KHDRBS2: variants seen among roughly 807,000 people sequenced by gnomAD.
KHDRBS2 encodes KH RNA binding domain containing, signal transduction associated 2, also known as KH domain-containing, RNA-binding, signal transduction-associated protein 2.
In KHDRBS2, 26 loss-of-function variants were observed where a neutral mutation model predicts 44.3. That is an observed-to-expected ratio of 0.59 (90% CI 0.43 to 0.81). KHDRBS2 has a LOEUF of 0.81. Among genes scored for constraint, KHDRBS2 ranks in the 40% least tolerant of loss-of-function variants. The pLI is 0.00. For missense variants in KHDRBS2, 476 were observed against 433.1 expected (o/e 1.10, Z -0.88); for synonymous variants, 194 against 151.1 (o/e 1.28, Z -2.08).
At chr6:62,161,582 G>T (rs957622614) in intron 2 of KHDRBS2, among the ~76,000 whole-genome samples, 2 of 124,522 alleles carry the variant, frequency 1.6e-5, no homozygotes, top group African/African-American at 3.1e-5. Context: ...GCGGGGGGGG[G>T]GGGGGTCCCA....
At chr6:61,829,392 G>C (rs904775809) in intron 6 of KHDRBS2, among the ~76,000 whole-genome samples, 7 of 152,126 alleles carry the variant, frequency 4.6e-5, no homozygotes, top group South Asian at 2.1e-4. Flanking sequence ...ACTAACTCCT[G>C]AACTCAGGGA....
intron 2 of KHDRBS2, among the ~76,000 whole-genome samples, chr6:62,101,908 GTCT>G (rs1210152045): frequency 2.0e-5 from 3 of 152,028 alleles, no homozygotes; most frequent in African/African-American, 7.2e-5. Context: ...ACATAACATG[GTCT>G]TCTCACAGTC....
intron 1 of KHDRBS2, among the ~76,000 whole-genome samples, chr6:62,262,552 G>T (rs181498080): frequency 6.6e-6 from 1 of 151,796 alleles, no homozygotes; most frequent in Admixed American, 6.6e-5. Context: ...CACTAAAAGA[G>T]ATTTCTCAAG....
At chr6:61,778,315 G>A (rs1355433170) in intron 6 of KHDRBS2, among the ~76,000 whole-genome samples, 1 of 152,102 alleles carries the variant, frequency 6.6e-6, no homozygotes, top group African/African-American at 2.4e-5. Context: ...GACTGTGCAA[G>A]ACACATTCTC....
intron 3 of KHDRBS2, among the ~76,000 whole-genome samples, chr6:62,016,110 C>T (rs1318173820): frequency 6.6e-6 from 1 of 152,204 alleles, no homozygotes; most frequent in East Asian, 1.9e-4. Flanking sequence ...AGGCTCTTTC[C>T]TTTTTCTTTC....
intron 2 of KHDRBS2, among the ~76,000 whole-genome samples, chr6:62,112,397 T>C (rs537228591): frequency 6.6e-6 from 1 of 152,266 alleles, no homozygotes; most frequent in South Asian, 2.1e-4. Flanking sequence ...GAGCCATCTA[T>C]ATCTCTACTC....
the KHDRBS2 span, among the ~76,000 whole-genome samples, chr6:61,650,498 T>C: frequency 6.6e-6 from 1 of 152,080 alleles, no homozygotes; most frequent in East Asian, 1.9e-4. Context: ...AAACATAAAT[T>C]CATAAAAATA....
At chr6:61,654,291 A>G in the KHDRBS2 span, among the ~76,000 whole-genome samples, 17 of 152,042 alleles carry the variant, frequency 1.1e-4, no homozygotes, top group African/African-American at 3.9e-4. Flanking sequence ...TTGTGACACT[A>G]ATGTTAGCAG....
intron 2 of KHDRBS2, among the ~76,000 whole-genome samples, chr6:62,134,090 A>T (rs1488126646): frequency 6.6e-6 from 1 of 152,216 alleles, no homozygotes; most frequent in Non-Finnish European, 1.5e-5. Flanking sequence ...CCAAATGTTA[A>T]TCGCTAAGAC....
rs1470402971 is a variant in KHDRBS2, at chr6:61,680,701, A to G, written c.*262T>C. The G allele has an allele frequency of 1.1e-5, 3 of 280,396 alleles. No individual in the cohort carries two copies. The highest frequency in any genetic ancestry group is 2.0e-5 in the Non-Finnish European group (3 of 151,314). 17.4% of individuals were successfully genotyped at this position (280,396 alleles called of 1,614,324 possible). A position where few individuals can be genotyped will look rare whatever the true frequency, so the allele number is the denominator to read the frequency against. On this transcript the variant is annotated 3_prime_UTR_variant, in exon 9 of 9. Transcript: ENST00000281156. ...CACACAACAATGAAAAACAACCAAG[A>G]GAATATCATCCTACTGAAAGGTTTA... is the stretch of plus-strand genomic sequence containing the variant.
intron 4 of KHDRBS2, among the ~76,000 whole-genome samples, chr6:61,970,126 CTA>C (rs1302694885): frequency 6.6e-6 from 1 of 151,884 alleles, no homozygotes; most frequent in Non-Finnish European, 1.5e-5. Flanking sequence ...TGTCTTCTCT[CTA>C]TATATGTGTG....
chr6:61,917,001 T>C (rs1399399866), intron 4 of KHDRBS2, among the ~76,000 whole-genome samples: 2 of 127,736 alleles, frequency 1.6e-5, no homozygotes, highest in African/African-American at 3.0e-5. Context: ...CTGGTGGGGA[T>C]TCAAAATGAT....
chr6:61,845,015 TA>T (rs1333683894), intron 6 of KHDRBS2, among the ~76,000 whole-genome samples: 4 of 152,186 alleles, frequency 2.6e-5, no homozygotes, highest in Non-Finnish European at 5.9e-5. Flanking sequence ...ATTACATGCT[TA>T]GAAGGAAAAA....
At chr6:62,233,289 A>G (rs1833175345) in intron 1 of KHDRBS2, among the ~76,000 whole-genome samples, 1 of 152,200 alleles carries the variant, frequency 6.6e-6, no homozygotes, top group Middle Eastern at 3.4e-3. Context: ...GATTGTCTCA[A>G]TGTTTCTCAC....
intron 7 of KHDRBS2, among the ~76,000 whole-genome samples, chr6:61,724,772 T>C (rs1773274272): frequency 6.6e-6 from 1 of 152,188 alleles, no homozygotes; most frequent in South Asian, 2.1e-4. Flanking sequence ...ATCATAAATA[T>C]ATATGCACCC....
At chr6:62,162,155 C>T (rs1337496217) in intron 2 of KHDRBS2, among the ~76,000 whole-genome samples, 8 of 151,920 alleles carry the variant, frequency 5.3e-5, no homozygotes, top group Admixed American at 1.3e-4. Context: ...TATAATTGCT[C>T]TTTATTTACC....
intron 6 of KHDRBS2, among the ~76,000 whole-genome samples, chr6:61,743,771 T>TCCCCCC (rs528609380): frequency 1.6e-5 from 2 of 125,070 alleles, no homozygotes; most frequent in East Asian, 2.3e-4. Context: ...CTTAATGCTA[T>TCCCCCC]CCCCCCCCTC....
chr6:62,260,986 C>A (rs1170396976), intron 1 of KHDRBS2, among the ~76,000 whole-genome samples: 1 of 151,778 alleles, frequency 6.6e-6, no homozygotes, highest in Non-Finnish European at 1.5e-5. Flanking sequence ...TTTCTCAGAG[C>A]CAGAATTCTC....
chr6:62,223,044 AG>A (rs1831160761), intron 1 of KHDRBS2, among the ~76,000 whole-genome samples: 3 of 152,190 alleles, frequency 2.0e-5, no homozygotes, highest in Admixed American at 2.0e-4. Flanking sequence ...GTGCCCCAGT[AG>A]GGACTCTTTG....
Sources: allele counts gnomAD v4.1 joint callset (sites outside exome capture counted in the v4.1 genomes callset), GRCh38; gene constraint gnomAD v4.1.1; transcripts MANE v1.5; gene names NCBI Gene and HGNC (gene_info 2026-07-23, HGNC 2026-07-21).